The following ESRP1 variants were observed in gnomAD, a reference collection of about 807,000 sequenced individuals.
ESRP1 encodes RNA-binding motif protein 35A.
Under a neutral mutation model 81.7 loss-of-function variants are expected in ESRP1, and 33 were observed. The observed-to-expected ratio is 0.40, with a 90% CI of 0.31 to 0.54. The LOEUF (loss-of-function observed/expected upper bound fraction) is 0.54, where lower values mean the gene tolerates loss of function less well. Among genes scored for constraint, ESRP1 ranks in the 20% least tolerant of loss-of-function variants. The probability of loss-of-function intolerance (pLI) is 0.41; values close to 1 mark genes in which losing one functional copy is unlikely to be tolerated. For missense variants in ESRP1, 672 were observed against 833.1 expected, an observed-to-expected ratio of 0.81 and a Z score of 2.38; for synonymous variants, 320 against 303.3, an observed-to-expected ratio of 1.06 and a Z score of -0.57.
chr8:94,664,923 A>C lies in ESRP1; in HGVS notation c.756-4A>C. 1 of 1,610,986 alleles carries C rather than the reference A, an allele frequency of 6.2e-7. No individual in the cohort carries two copies. Reference sequence around the variant, plus strand: ...ACCTGCTGTCTGTTTTATTATTCTCAAAGGGGAGGTGCAGCACTTTGTCTG... The same window carrying C: ...ACCTGCTGTCTGTTTTATTATTCTCCAAGGGGAGGTGCAGCACTTTGTCTG... On this transcript the variant is annotated splice_polypyrimidine_tract_variant and splice_region_variant and intron_variant, in intron 7 of 15. Coordinates refer to ENST00000433389, the MANE Select transcript of ESRP1 (RefSeq NM_017697.4).
chr8:94,672,695 G>A (rs984892406), intron 11 of ESRP1, among the ~76,000 whole-genome samples: 2 of 152,052 alleles, frequency 1.3e-5, no homozygotes, highest in African/African-American at 4.8e-5. Context: ...ACCATTCCCG[G>A]CTAATTTTGG....
In ESRP1 at chr8:94,705,937, G is replaced by A. The variant is rs1180653029; in HGVS notation, c.*48G>A. 15 of 1,450,976 alleles carry A rather than the reference G, an allele frequency of 1.0e-5. No individual in the cohort carries two copies. Among genetic ancestry groups the A allele is most frequent in the Non-Finnish European group, 1.4e-5 (15 of 1,083,926 alleles). The allele number at this position is 1,450,976 out of a possible 1,614,324, so 89.9% of individuals were successfully genotyped here. On this transcript the variant is annotated 3_prime_UTR_variant, in exon 16 of 16. Transcript: ENST00000433389. ...TTTTTTTTTTCAGTGTTTGAAAGAT[G>A]TATGGTGATCTTGAAACCTCCAGAC... is the stretch of plus-strand genomic sequence containing the variant.
At chr8:94,700,810 C>T (rs189988114) in intron 15 of ESRP1, among the ~76,000 whole-genome samples, 3,058 of 150,678 alleles carry the variant, frequency 0.02, 94 homozygotes, top group African/African-American at 0.069. Flanking sequence ...GCGCCTGTAG[C>T]CCCAGCTACT....
chr8:94,665,403 C>T (rs903727630), intron 9 of ESRP1, among the ~76,000 whole-genome samples: 2 of 152,174 alleles, frequency 1.3e-5, no homozygotes, highest in Non-Finnish European at 2.9e-5. Context: ...CTTGAGCCAA[C>T]TTACTATAGT....
chr8:94,702,770 G>A (rs781486051), intron 15 of ESRP1, among the ~76,000 whole-genome samples: 84 of 152,068 alleles, frequency 5.5e-4, no homozygotes, highest in Non-Finnish European at 9.6e-4. Context: ...GGTGTGAGCC[G>A]CCACGCCCAG....
chr8:94,671,386 T>A (rs1466071504), intron 10 of ESRP1, 67 bp from the exon 11 acceptor site: 1 of 1,377,162 alleles, frequency 7.3e-7, no homozygotes, highest in African/African-American at 1.4e-5. Context: ...AGTGATGCCA[T>A]TGCTGATCTG....
At chr8:94,666,051 C>T (rs1352942416) in intron 9 of ESRP1, among the ~76,000 whole-genome samples, 3 of 152,154 alleles carry the variant, frequency 2.0e-5, no homozygotes, top group East Asian at 3.8e-4. Context: ...ATGCATAAAA[C>T]GTTGACTGCT....
intron 4 of ESRP1, among the ~76,000 whole-genome samples, chr8:94,652,491 GAAATTATCT>G (rs1818195206): frequency 6.9e-6 from 1 of 145,530 alleles, no homozygotes; most frequent in Non-Finnish European, 1.5e-5. Context: ...TTTTTTTTTT[GAAATTATCT>G]TAGATCCCTT....
Position 94,706,737 on chromosome 8 carries a change from A to C in ESRP1, c.*848A>C, listed in dbSNP as rs889114242. On this transcript the variant is annotated 3_prime_UTR_variant, in exon 16 of 16. Transcript: ENST00000433389. ...CATTATTGATGGTTTGGACTTTAAT[A>C]AGAGAAATTCCATAGTTTTTAATAT... 2 of 152,462 alleles carry C rather than the reference A, an allele frequency of 1.3e-5. No homozygotes were observed. The highest frequency in any genetic ancestry group is 2.9e-5 in the Non-Finnish European group (2 of 68,040). 9.4% of individuals were successfully genotyped at this position (152,462 alleles called of 1,614,324 possible).
chr8:94,660,799 A>C (rs1430089575), intron 4 of ESRP1, among the ~76,000 whole-genome samples: 1 of 151,472 alleles, frequency 6.6e-6, no homozygotes, highest in Admixed American at 6.6e-5. Flanking sequence ...CAGTAAGTCA[A>C]CTCTGCCTGT....
chr8:94,645,181 A>C (rs1312342154), intron 3 of ESRP1, among the ~76,000 whole-genome samples: 4 of 152,190 alleles, frequency 2.6e-5, no homozygotes, highest in African/African-American at 9.6e-5. Context: ...TGATGCAGCA[A>C]TACTGATTTC....
intron 13 of ESRP1, chr8:94,688,078 T>G (rs1373233874): frequency 6.6e-6 from 1 of 152,256 alleles, no homozygotes; most frequent in Admixed American, 6.6e-5. Context: ...GGGTCTAAAA[T>G]CATCCCTTTA....
intron 3 of ESRP1, among the ~76,000 whole-genome samples, chr8:94,645,034 A>G (rs922744329): frequency 7.9e-5 from 12 of 152,204 alleles, no homozygotes; most frequent in Non-Finnish European, 1.8e-4. Context: ...TTTTAAATGG[A>G]CACAACAATT....
At chr8:94,670,484 G>T (rs1252808195) in intron 10 of ESRP1, among the ~76,000 whole-genome samples, 1 of 152,218 alleles carries the variant, frequency 6.6e-6, no homozygotes, top group East Asian at 1.9e-4. Flanking sequence ...TGAGCAGGGT[G>T]TGAGTGGGGA....
In ESRP1 at chr8:94,692,782, C is replaced by T; in HGVS notation, c.1926C>T (p.Tyr642=). 1 of 1,613,756 alleles carries T rather than the reference C, an allele frequency of 6.2e-7. No individual in the cohort carries two copies. Among genetic ancestry groups the T allele is most frequent in the Non-Finnish European group, 8.5e-7 (1 of 1,179,820 alleles). The change falls in exon 14 of 16, where the codon TAC becomes TAT. Residue 642 remains tyrosine (Y), a synonymous_variant. Transcript: ENST00000433389. The stretch of plus-strand genomic sequence containing the variant: ...TGGTCAGAATGCAGGGCCTGGCCTA[C>T]AATACTGGAGTTAAGGAAATTCTTA... The part of the protein sequence containing the change: ...GTVVRMQGLA[Y]NTGVKEILNF...
intron 4 of ESRP1, among the ~76,000 whole-genome samples, chr8:94,647,139 T>A (rs1817893752): frequency 6.6e-6 from 1 of 152,220 alleles, no homozygotes; most frequent in Admixed American, 6.5e-5. Context: ...CTTCACGATT[T>A]TTTTTCCTGA....
intron 15 of ESRP1, among the ~76,000 whole-genome samples, chr8:94,704,336 G>A (rs1374348204): frequency 1.2e-4 from 18 of 152,058 alleles, no homozygotes; most frequent in Admixed American, 1.2e-3. Context: ...GCCATGTGTG[G>A]TGGCTCACAC....
Position 94,706,006 on chromosome 8 carries a change from C to T in ESRP1, c.*117C>T. ...AATTCAGGGGAAGTTTGTCTACACTCAGGCTGCAGTATTTTCAGCAAACTT... is the reference window on the plus strand; with the variant it reads ...AATTCAGGGGAAGTTTGTCTACACTTAGGCTGCAGTATTTTCAGCAAACTT... On this transcript the variant is annotated 3_prime_UTR_variant, in exon 16 of 16. Transcript: ENST00000433389. The T allele has an allele frequency of 6.9e-7, 1 of 1,454,054 alleles. No homozygotes were observed. The highest frequency in any genetic ancestry group is 2.5e-5 in the East Asian group (1 of 40,344). The allele number at this position is 1,454,054 out of a possible 1,614,324, so 90.1% of individuals were successfully genotyped here.
At chr8:94,660,709 CAAAAAAAAAAAAAAAAAAAAAAA>C (rs60316449) in intron 4 of ESRP1, among the ~76,000 whole-genome samples, 1 of 43,532 alleles carries the variant, frequency 2.3e-5, no homozygotes, top group African/African-American at 1.1e-4. Flanking sequence ...GAGACTATCT[CAAAAAAAAAAAAAAAAAAAAAAA>C]AAAAAAAAAA....
Sources: allele counts gnomAD v4.1 joint callset (sites outside exome capture counted in the v4.1 genomes callset), GRCh38; gene constraint gnomAD v4.1.1; transcripts MANE v1.5; gene names NCBI Gene and HGNC (gene_info 2026-07-23, HGNC 2026-07-21).